LMTK3: variants seen among roughly 807,000 people sequenced by gnomAD.
The protein encoded by LMTK3 is serine/threonine-protein kinase LMTK3.
In LMTK3, 27 loss-of-function variants were observed where a neutral mutation model predicts 116.7. The observed-to-expected ratio is 0.23, with a 90% CI of 0.17 to 0.32. LMTK3 has a LOEUF of 0.32. Ranked by LOEUF, LMTK3 falls within the 10% of genes least tolerant of loss-of-function variation. The pLI, the probability that LMTK3 is intolerant of heterozygous loss-of-function variation, is 1.00. For missense variants in LMTK3, 1,764 were observed against 2,068.5 expected, an observed-to-expected ratio of 0.85 and a Z score of 2.86; for synonymous variants, 965 against 971.0, an observed-to-expected ratio of 0.99 and a Z score of 0.11.
chr19:48,490,212 T>C (rs1037761886), intron 14 of LMTK3, among the ~76,000 whole-genome samples: 1 of 151,974 alleles, frequency 6.6e-6, no homozygotes, highest in Non-Finnish European at 1.5e-5. Flanking sequence ...CGTGCCTCAG[T>C]GTTCTCTTTT....
Position 48,501,566 on chromosome 19 carries a change from C to A in LMTK3, c.795-4G>T, listed in dbSNP as rs1194945347. ...GCAGTTGCGCAGGGCCAGGTCGCTGCGGGAAGAACGCGAGGAGGTGAGCGC... is the reference window on the plus strand; with the variant it reads ...GCAGTTGCGCAGGGCCAGGTCGCTGAGGGAAGAACGCGAGGAGGTGAGCGC... On this transcript the variant is annotated splice_region_variant and splice_polypyrimidine_tract_variant and intron_variant, in intron 7 of 14. Transcript: ENST00000600059. 1 of 1,603,512 alleles carries A rather than the reference C, an allele frequency of 6.2e-7. No homozygotes were observed. The highest frequency in any genetic ancestry group is 8.5e-7 in the Non-Finnish European group (1 of 1,176,596).
At chr19:48,493,331 GC>G (rs577356384) in intron 12 of LMTK3, among the ~76,000 whole-genome samples, 423 of 39,682 alleles carry the variant, frequency 0.011, 1 homozygote, top group African/African-American at 0.021. Context: ...CCTGGGCTCC[GC>G]CCCCCAGCCC....
chr19:48,495,841 C>G (rs1972313855), intron 11 of LMTK3, among the ~76,000 whole-genome samples: 2 of 152,216 alleles, frequency 1.3e-5, no homozygotes, highest in Admixed American at 1.3e-4. Context: ...TAAACAAGGG[C>G]TATTTATTTT....
At position 48,501,422 on chromosome 19, in the gene LMTK3, G is replaced by A; in HGVS notation, c.880-18C>T. 6.2e-7 allele frequency: 1 copy of A among 1,612,820 alleles called. No individual in the cohort carries two copies. Among genetic ancestry groups the A allele is most frequent in the East Asian group, 2.2e-5 (1 of 44,852 alleles). ...TAGTCCTCCTGAGGGAACCAGGGCG[G>A]TGTCAGGCGGGTCAGGGCACCCCAC... On this transcript the variant is annotated intron_variant, in intron 8 of 14. Transcript: ENST00000600059.
intron 5 of LMTK3, among the ~76,000 whole-genome samples, chr19:48,507,524 G>A (rs1043027366): frequency 6.6e-6 from 1 of 152,228 alleles, no homozygotes; most frequent in African/African-American, 2.4e-5. Context: ...CTGGCCACAG[G>A]TGGCTATTGA....
Position 48,502,945 on chromosome 19 carries a change from C to G in LMTK3, c.609G>C (p.Thr203=). ...VLQCLGLCVE[T]LPFLLIMEFC... ...ACTCCATAATCAGCAGAAACGGCAG[C>G]GTCTCCACGCACAGACCCAGGCACT... The change falls in exon 6 of 15, where the codon ACG becomes ACC. Residue 203 remains threonine, a synonymous_variant. Coordinates refer to ENST00000600059, the MANE Select transcript of LMTK3 (RefSeq NM_001388485.1). The G allele has an allele frequency of 6.2e-7, 1 of 1,613,204 alleles. No homozygotes were observed. The highest frequency in any genetic ancestry group is 1.3e-5 in the African/African-American group (1 of 74,998).
intron 5 of LMTK3, among the ~76,000 whole-genome samples, chr19:48,505,377 G>A (rs1972551278): frequency 6.6e-6 from 1 of 151,816 alleles, no homozygotes; most frequent in African/African-American, 2.4e-5. Context: ...GCCTCTCAAA[G>A]TACTGAGATT....
chr19:48,512,066 AGGGCCCACGGGTGCCTGGCCC>A (rs1972673987), upstream of LMTK3, among the ~76,000 whole-genome samples: 1 of 125,366 alleles, frequency 8.0e-6, no homozygotes, highest in Non-Finnish European at 1.7e-5. Flanking sequence ...GTGGGGGGGC[AGGGCCCACGGGTGCCTGGCCC>A]GGACACCGCT....
intron 11 of LMTK3, among the ~76,000 whole-genome samples, chr19:48,496,310 TTTTTC>T: frequency 6.7e-6 from 1 of 149,944 alleles, no homozygotes; most frequent in Admixed American, 6.6e-5. Context: ...TCTTTTTTTT[TTTTTC>T]TGAGACAGAG....
chr19:48,494,962 A>G lies in LMTK3; in HGVS notation c.3677-853T>C, dbSNP rs992321693. 6.6e-6 allele frequency among the ~76,000 whole-genome samples: 1 copy of G among 151,456 alleles called. No homozygotes were observed. The highest frequency in any genetic ancestry group is 1.5e-5 in the Non-Finnish European group (1 of 67,974). ...AAAGTCACACTTTTGTTGACCAGAC[A>G]TCTCAGGGTGATGGGGTTATGGGCG... On this transcript the variant is annotated intron_variant, in intron 11 of 14. Coordinates refer to ENST00000600059, the MANE Select transcript of LMTK3 (RefSeq NM_001388485.1). The surrounding 1 kb of genome is among the most constrained non-coding windows in gnomAD (Gnocchi z 4.0).
At position 48,502,946 on chromosome 19, in the gene LMTK3, G is replaced by A. The variant is rs757884931; in HGVS notation, c.608C>T (p.Thr203Met). ...CTCCATAATCAGCAGAAACGGCAGCGTCTCCACGCACAGACCCAGGCACTG... is the reference window on the plus strand; with the variant it reads ...CTCCATAATCAGCAGAAACGGCAGCATCTCCACGCACAGACCCAGGCACTG... ...VLQCLGLCVE[T>M]LPFLLIMEFC... The change falls in exon 6 of 15, where the codon ACG (threonine) becomes ATG (methionine). Residue 203 changes from threonine (T) to methionine (M), a missense_variant. Transcript: ENST00000600059. 2 of 1,613,160 alleles carry A rather than the reference G, an allele frequency of 1.2e-6. No homozygotes were observed. Among genetic ancestry groups the A allele is most frequent in the East Asian group, 2.2e-5 (1 of 44,862 alleles).
At chr19:48,502,352 C>A (rs1601053009) in intron 7 of LMTK3, 81 bp downstream of exon 7, 6 of 1,470,608 alleles carry the variant, frequency 4.1e-6, no homozygotes, top group Middle Eastern at 2.5e-4. Context: ...GGTCCGCCCC[C>A]CCTCTAGCCC....
chr19:48,492,049 A>G (rs1011654402), intron 12 of LMTK3, among the ~76,000 whole-genome samples: 5 of 151,924 alleles, frequency 3.3e-5, no homozygotes, highest in African/African-American at 1.2e-4. Flanking sequence ...AAAACATTTC[A>G]GTGGCCCAGG....
rs1485398489 is a variant in LMTK3 at position 48,500,930 on chromosome 19, G to A, written c.1151+66C>T. ...GATGTGGGTGATGTGGGAAACGAGG[G>A]GGGATGCTGGGACCATCCTGGGTGG... On this transcript the variant is annotated intron_variant, in intron 10 of 14. Coordinates refer to ENST00000600059, the MANE Select transcript of LMTK3 (RefSeq NM_001388485.1). This position sits in a 1 kb window ranked among gnomAD's most constrained non-coding sequence, Gnocchi z 4.0. 4 of 1,409,876 alleles carry A rather than the reference G, an allele frequency of 2.8e-6. No individual in the cohort carries two copies. The Admixed American group carries it at 1.2e-4, about 41-fold the overall frequency. The allele number at this position is 1,409,876 out of a possible 1,614,324, so 87.3% of individuals were successfully genotyped here.
rs765536380 is a variant in LMTK3, at chr19:48,499,381, C to T, written c.1688G>A (p.Gly563Glu). Residue 563 changes from glycine to glutamate, a missense_variant, in exon 11 of 15, where the codon GGA becomes GAA. Around this residue, in one of 7 missense-constraint regions of LMTK3, gnomAD observed 1,028 missense variants for 1,050.6 expected, o/e 0.98. Transcript: ENST00000600059. ...FPNDWDPLDP[G>E]VPAPQAPQAP... ...CTGGGGGGCCTGAGGGGCGGGCACTCCTGGGTCCAGGGGGTCCCAGTCGTT... is the reference window on the plus strand; with the variant it reads ...CTGGGGGGCCTGAGGGGCGGGCACTTCTGGGTCCAGGGGGTCCCAGTCGTT... 3.2e-5 allele frequency: 46 copies of T among 1,435,314 alleles called. No homozygotes were observed. Among genetic ancestry groups the T allele is most frequent in the Non-Finnish European group, 3.8e-5 (42 of 1,091,600 alleles). The allele number at this position is 1,435,314 out of a possible 1,614,324, so 88.9% of individuals were successfully genotyped here. A position where few individuals can be genotyped will look rare whatever the true frequency, so the allele number is the denominator to read the frequency against.
chr19:48,502,891 AC>A lies in LMTK3; in HGVS notation c.645+17del, dbSNP rs749378143. Reference sequence around the variant, plus strand: ...CAGCTGCCCCCTCTGCCCTTCCCCAACCCCCCAAGACCCTCACCAGTTGACA... The same window carrying A: ...CAGCTGCCCCCTCTGCCCTTCCCCAACCCCCAAGACCCTCACCAGTTGACA... On this transcript the variant is annotated intron_variant, in intron 6 of 14. Transcript: ENST00000600059. 70 of 1,593,534 alleles carry A rather than the reference AC, an allele frequency of 4.4e-5. No individual in the cohort carries two copies. Among genetic ancestry groups the A allele is most frequent in the Non-Finnish European group, 6.0e-5 (70 of 1,164,832 alleles).
At chr19:48,495,354 G>A (rs188157381) in intron 11 of LMTK3, among the ~76,000 whole-genome samples, 9 of 152,298 alleles carry the variant, frequency 5.9e-5, no homozygotes, top group African/African-American at 2.2e-4. Context: ...ATGAAGGTCA[G>A]GTTGACAACC....
Position 48,511,743 on chromosome 19 carries a change from G to A in LMTK3, c.-167C>T. 2 of 394,586 alleles carry A rather than the reference G, an allele frequency of 5.1e-6. No individual in the cohort carries two copies. The highest frequency in any genetic ancestry group is 6.7e-4 in the Middle Eastern group (1 of 1,488). The allele number at this position is 394,586 out of a possible 1,614,324, so 24.4% of individuals were successfully genotyped here. Reference sequence around the variant, plus strand: ...GAGGGAGGGGCTGCTTGCTGGCTCAGGTACCCCCCTCCCCCTCTTTGAAGG... The same window carrying A: ...GAGGGAGGGGCTGCTTGCTGGCTCAAGTACCCCCCTCCCCCTCTTTGAAGG... On this transcript the variant is annotated 5_prime_UTR_variant, in exon 1 of 15. Coordinates refer to ENST00000600059, the MANE Select transcript of LMTK3 (RefSeq NM_001388485.1).
intron 5 of LMTK3, 30 bp downstream of exon 5, chr19:48,508,821 G>T: frequency 3.3e-6 from 5 of 1,518,092 alleles, no homozygotes; most frequent in Non-Finnish European, 4.6e-6. Flanking sequence ...ACCTCAACAA[G>T]GCACACACCC....
Sources: allele counts gnomAD v4.1 joint callset (sites outside exome capture counted in the v4.1 genomes callset), GRCh38; gene constraint gnomAD v4.1.1; regional missense constraint gnomAD v4.1.1; non-coding constraint Gnocchi (gnomAD v3.1); transcripts MANE v1.5; gene names NCBI Gene and HGNC (gene_info 2026-07-23, HGNC 2026-07-21).